Variants in RNF13 observed in about 807,000 individuals in gnomAD.
RNF13 encodes ring finger protein 13, also known as E3 ubiquitin-protein ligase RNF13.
Under a neutral mutation model 37.7 loss-of-function variants are expected in RNF13, and 19 were observed. The ratio of observed to expected loss-of-function variants is 0.50; its 90% CI spans 0.35 to 0.74. RNF13 has a LOEUF of 0.74. Ranked by LOEUF, RNF13 falls within the 30% of genes least tolerant of loss-of-function variation. The pLI is 0.01. For missense variants in RNF13, 375 were observed against 453.0 expected (o/e 0.83, Z 1.56); for synonymous variants, 144 against 157.8 (o/e 0.91, Z 0.65).
chr3:149,878,415 G>A (rs1713002034), intron 4 of RNF13, among the ~76,000 whole-genome samples: 1 of 152,128 alleles, frequency 6.6e-6, no homozygotes. Context: ...CTGAGGAGTA[G>A]CTCTTCTCAA....
intron 1 of RNF13, among the ~76,000 whole-genome samples, chr3:149,831,256 T>C (rs1220730256): frequency 2.1e-4 from 32 of 152,258 alleles, no homozygotes; most frequent in African/African-American, 7.7e-4. Context: ...GATCCACCAA[T>C]GGCTTGCACC....
intron 8 of RNF13, among the ~76,000 whole-genome samples, chr3:149,951,546 G>A (rs1721340087): frequency 6.6e-6 from 1 of 152,188 alleles, no homozygotes; most frequent in Non-Finnish European, 1.5e-5. Flanking sequence ...TCATTTGCCT[G>A]TAGCTGTATT....
chr3:149,896,053 A>G (rs1715228327), intron 5 of RNF13, among the ~76,000 whole-genome samples: 1 of 152,146 alleles, frequency 6.6e-6, no homozygotes, highest in Non-Finnish European at 1.5e-5. Flanking sequence ...TTTACTCTCT[A>G]CTAATTATTA....
At chr3:149,938,327 A>G (rs1719909870) in intron 8 of RNF13, among the ~76,000 whole-genome samples, 3 of 151,664 alleles carry the variant, frequency 2.0e-5, no homozygotes, top group Admixed American at 2.0e-4. Flanking sequence ...ATAGGTGCAG[A>G]CCACCATGCC....
intron 3 of RNF13, among the ~76,000 whole-genome samples, chr3:149,866,167 A>C (rs1425008987): frequency 1.3e-5 from 2 of 152,228 alleles, no homozygotes; most frequent in African/African-American, 4.8e-5. Flanking sequence ...GTTGGATCTC[A>C]CACAAGAAAG....
intron 1 of RNF13, among the ~76,000 whole-genome samples, chr3:149,842,338 T>G (rs1576748421): frequency 1.3e-5 from 2 of 152,206 alleles, no homozygotes; most frequent in East Asian, 3.8e-4. Context: ...TCCTTCTATG[T>G]TTCCTGTTTC....
intron 7 of RNF13, among the ~76,000 whole-genome samples, chr3:149,914,045 C>T (rs552865874): frequency 6.6e-6 from 1 of 152,298 alleles, no homozygotes; most frequent in South Asian, 2.1e-4. Flanking sequence ...CATTAGTATA[C>T]ACTCATGTAT....
intron 8 of RNF13, 47 bp downstream of exon 8, chr3:149,921,274 GC>G: frequency 1.2e-6 from 1 of 852,146 alleles, no homozygotes; most frequent in Non-Finnish European, 1.7e-6. Context: ...ATTTAAGACT[GC>G]AGGGTGACTA....
intron 8 of RNF13, among the ~76,000 whole-genome samples, chr3:149,921,613 C>G (rs1463177110): frequency 6.6e-6 from 1 of 152,146 alleles, no homozygotes; most frequent in African/African-American, 2.4e-5. Context: ...CATCCATGTC[C>G]CTGCAAAGGA....
intron 2 of RNF13, among the ~76,000 whole-genome samples, chr3:149,852,207 G>C (rs190978768): frequency 6.9e-4 from 105 of 152,290 alleles, no homozygotes; most frequent in Non-Finnish European, 1.1e-3. Flanking sequence ...CCTGGAAGAT[G>C]ATCTGTCTGG....
intron 3 of RNF13, among the ~76,000 whole-genome samples, chr3:149,865,483 A>G (rs1724721126): frequency 6.6e-6 from 1 of 151,538 alleles, no homozygotes; most frequent in Non-Finnish European, 1.5e-5. Context: ...CGTTTTTTTG[A>G]GAGAGAGAGT....
intron 8 of RNF13, chr3:149,939,376 A>G (rs764432703): frequency 4.9e-5 from 24 of 490,096 alleles, no homozygotes; most frequent in South Asian, 3.7e-4. Context: ...CCGGGGGCAG[A>G]TCGCTTTCCA....
chr3:149,867,902 T>C (rs1711542374), intron 3 of RNF13, among the ~76,000 whole-genome samples: 1 of 151,924 alleles, frequency 6.6e-6, no homozygotes, highest in South Asian at 2.1e-4. Flanking sequence ...TAGTACTTTT[T>C]AATTCGTTGC....
intron 8 of RNF13, among the ~76,000 whole-genome samples, chr3:149,959,176 T>TCAAG (rs1722147565): frequency 6.6e-6 from 1 of 152,226 alleles, no homozygotes; most frequent in Non-Finnish European, 1.5e-5. Context: ...AAAAGTGCTT[T>TCAAG]CAAGCATTCA....
At chr3:149,906,796 C>A (rs1716458716) in intron 6 of RNF13, among the ~76,000 whole-genome samples, 1 of 151,746 alleles carries the variant, frequency 6.6e-6, no homozygotes, top group South Asian at 2.1e-4. Flanking sequence ...GGACCCCAGG[C>A]ATGCACCACC....
At chr3:149,938,239 G>A (rs979362613) in intron 8 of RNF13, among the ~76,000 whole-genome samples, 4 of 151,926 alleles carry the variant, frequency 2.6e-5, no homozygotes, top group South Asian at 2.1e-4. Context: ...GTGCAGTGGT[G>A]CGATCTCAGC....
chr3:149,922,883 C>T lies in RNF13; in HGVS notation c.700+1656C>T, dbSNP rs1297367344. 6.6e-5 allele frequency among the ~76,000 whole-genome samples: 10 copies of T among 152,228 alleles called. No individual in the cohort carries two copies. The East Asian group carries it at 1.9e-3, about 29-fold the overall frequency. On this transcript the variant is annotated intron_variant, in intron 8 of 9. Transcript: ENST00000392894. Reference sequence around the variant, plus strand: ...TCTGTGATTTAGTGACCTTTTAGTGCAGATACCTACTTGATAAATCCTTTT... The same window carrying T: ...TCTGTGATTTAGTGACCTTTTAGTGTAGATACCTACTTGATAAATCCTTTT...
chr3:149,939,286 C>A, intron 8 of RNF13: 1 of 469,958 alleles, frequency 2.1e-6, no homozygotes, highest in South Asian at 1.7e-5. Context: ...TCATCAAAAT[C>A]ATCATCATCG....
At chr3:149,940,974 T>A (rs533422466) in intron 8 of RNF13, among the ~76,000 whole-genome samples, 10 of 152,354 alleles carry the variant, frequency 6.6e-5, no homozygotes, top group African/African-American at 2.2e-4. Flanking sequence ...TGGCATATTT[T>A]GCTTAGCATA....
Sources: gnomAD v4.1 joint callset for allele counts (sites outside exome capture counted in the v4.1 genomes callset) on GRCh38, gnomAD v4.1.1 for gene constraint, MANE v1.5 for transcripts, NCBI Gene and HGNC (gene_info 2026-07-23, HGNC 2026-07-21) for gene names.